WWOX: variants seen among roughly 807,000 people sequenced by gnomAD.
WWOX encodes WW domain containing oxidoreductase.
Under a neutral mutation model 46.2 loss-of-function variants are expected in WWOX, and 69 were observed. The ratio of observed to expected loss-of-function variants is 1.49; its 90% CI spans 1.23 to 1.82. WWOX has a LOEUF of 1.82. Ranked by LOEUF, WWOX falls within the 40% of genes most tolerant of loss-of-function variation. WWOX has a pLI of 0.00. For synonymous variants in WWOX, 359 were observed against 202.6 expected (o/e 1.77, Z -6.56); for missense variants, 919 against 542.6 (o/e 1.69, Z -6.89).
chr16:78,707,273 C>T (rs2048346355), intron 8 of WWOX, among the ~76,000 whole-genome samples: 1 of 152,150 alleles, frequency 6.6e-6, no homozygotes, highest in South Asian at 2.1e-4. Context: ...GCTATAGAAG[C>T]AGAAGTTAAC....
In WWOX at chr16:78,919,018, G is replaced by A. The variant is rs74618406; in HGVS notation, c.1057-292590G>A. ...GGAAATACAGTCGTGGTGTCAGGTA[G>A]TGTGTAACTTCGTTAAGTTCAGTCA... is the stretch of plus-strand genomic sequence containing the variant. On this transcript the variant is annotated intron_variant, in intron 8 of 8. Coordinates refer to ENST00000566780, the MANE Select transcript of WWOX (RefSeq NM_016373.4). 8.7e-3 allele frequency among the ~76,000 whole-genome samples: 1,331 copies of A among 152,230 alleles called. 18 individuals carry two copies. Among genetic ancestry groups the A allele is most frequent in the East Asian group, 0.062 (319 of 5,160 alleles).
chr16:78,344,854 C>T (rs1040449710), intron 5 of WWOX, among the ~76,000 whole-genome samples: 1 of 121,396 alleles, frequency 8.2e-6, no homozygotes, highest in African/African-American at 2.8e-5. Flanking sequence ...CCTAAGATGT[C>T]TGAAGAAGTT....
chr16:78,876,209 CTT>C (rs5818183), intron 8 of WWOX, among the ~76,000 whole-genome samples: 2 of 148,144 alleles, frequency 1.4e-5, no homozygotes, highest in African/African-American at 2.5e-5. Flanking sequence ...TTTTTCCTTT[CTT>C]TTTTTTTTTA....
intron 8 of WWOX, among the ~76,000 whole-genome samples, chr16:78,922,161 T>G (rs2045393966): frequency 6.6e-6 from 1 of 152,096 alleles, no homozygotes; most frequent in South Asian, 2.1e-4. Context: ...CCCACATATT[T>G]GATCTCAGCC....
At chr16:78,328,014 T>A (rs2080668686) in intron 5 of WWOX, among the ~76,000 whole-genome samples, 1 of 151,852 alleles carries the variant, frequency 6.6e-6, no homozygotes. Flanking sequence ...TAGCTTGGAT[T>A]ATGGGTTTGT....
chr16:79,084,990 A>G (rs868227163), intron 8 of WWOX, among the ~76,000 whole-genome samples: 2 of 151,986 alleles, frequency 1.3e-5, no homozygotes, highest in South Asian at 4.2e-4. Flanking sequence ...CAGTGGCACA[A>G]TTATAGCTCA....
chr16:78,678,071 C>G (rs2047646161), intron 8 of WWOX, among the ~76,000 whole-genome samples: 1 of 152,186 alleles, frequency 6.6e-6, no homozygotes, highest in Non-Finnish European at 1.5e-5. Flanking sequence ...TCTGTTTAAT[C>G]TGTCTACTTG....
At chr16:78,814,128 G>C (rs1324907892) in intron 8 of WWOX, among the ~76,000 whole-genome samples, 8 of 152,216 alleles carry the variant, frequency 5.3e-5, no homozygotes. Flanking sequence ...TGCAGGAGAA[G>C]ACAGAACCCG....
intron 8 of WWOX, among the ~76,000 whole-genome samples, chr16:78,842,994 G>A (rs1438777560): frequency 6.7e-6 from 1 of 150,230 alleles, no homozygotes; most frequent in Non-Finnish European, 1.5e-5. Flanking sequence ...ACTGGCAGGT[G>A]GAGAGGATGT....
At chr16:78,437,092 C>A (rs920884430) in intron 8 of WWOX, among the ~76,000 whole-genome samples, 8 of 152,198 alleles carry the variant, frequency 5.3e-5, no homozygotes, top group Non-Finnish European at 1.2e-4. Context: ...TGCTGGAGTA[C>A]ACATTCTGTT....
intron 8 of WWOX, among the ~76,000 whole-genome samples, chr16:78,712,902 T>G (rs76904108): frequency 2.6e-3 from 393 of 152,258 alleles, no homozygotes; most frequent in Non-Finnish European, 4.9e-3. Flanking sequence ...TTTTGGGGTA[T>G]GTTGAAAATT....
In WWOX at chr16:78,414,087, T is replaced by G. The variant is rs948609795; in HGVS notation, c.606-10783T>G. 2.6e-5 allele frequency among the ~76,000 whole-genome samples: 4 copies of G among 151,882 alleles called. No individual in the cohort carries two copies. The South Asian group carries it at 6.2e-4, about 24-fold the overall frequency. ...TCAGTTGACCTTGTGACATTCCTCT[T>G]CCTGAGGCAGTGAGTCTCAGGAGCT... On this transcript the variant is annotated intron_variant, in intron 6 of 8. Transcript: ENST00000566780.
chr16:78,605,847 T>G (rs1340743707), intron 8 of WWOX, among the ~76,000 whole-genome samples: 5 of 152,062 alleles, frequency 3.3e-5, no homozygotes, highest in African/African-American at 7.2e-5. Context: ...GTGTGTGTGT[T>G]GTTCTTTTTT....
rs141424217 is a variant in WWOX at position 78,344,120 on chromosome 16, G to T, written c.517-42740G>T. On this transcript the variant is annotated intron_variant, in intron 5 of 8. Coordinates refer to ENST00000566780, the MANE Select transcript of WWOX (RefSeq NM_016373.4). ...AGGTATATCATCCTAAGGGCAGAGGGTGAAGGTGCGTAATTAGTGTTTCAC... is the reference window on the plus strand; with the variant it reads ...AGGTATATCATCCTAAGGGCAGAGGTTGAAGGTGCGTAATTAGTGTTTCAC... Among the ~76,000 whole-genome samples the T allele has an allele frequency of 2.3e-4, 26 of 113,586 alleles. 2 individuals carry two copies. Among genetic ancestry groups the T allele is most frequent in the African/African-American group, 7.8e-4 (26 of 33,344 alleles). 74.5% of individuals were successfully genotyped at this position (113,586 alleles called of 152,430 possible).
At chr16:78,919,244 A>G (rs1318516895) in intron 8 of WWOX, among the ~76,000 whole-genome samples, 2 of 152,036 alleles carry the variant, frequency 1.3e-5, no homozygotes, top group Admixed American at 1.3e-4. Context: ...TCTTTCTGGC[A>G]GAGACACCCC....
At chr16:79,147,687 T>A (rs903629042) in intron 8 of WWOX, among the ~76,000 whole-genome samples, 5 of 152,198 alleles carry the variant, frequency 3.3e-5, no homozygotes, top group African/African-American at 1.2e-4. Context: ...TTCCATGCTA[T>A]TTTACATTTC....
chr16:78,987,909 C>A (rs541246981), intron 8 of WWOX, among the ~76,000 whole-genome samples: 4 of 152,080 alleles, frequency 2.6e-5, no homozygotes, highest in Non-Finnish European at 5.9e-5. Context: ...CCACAGGTCT[C>A]GTCATGTCCC....
intron 5 of WWOX, among the ~76,000 whole-genome samples, chr16:78,326,429 C>G (rs1035036098): frequency 6.6e-6 from 1 of 151,918 alleles, no homozygotes; most frequent in African/African-American, 2.4e-5. Flanking sequence ...CTGGGAGAAA[C>G]AAGGGGTTGA....
chr16:78,925,188 C>G lies in WWOX; in HGVS notation c.1057-286420C>G, dbSNP rs112653012. On this transcript the variant is annotated intron_variant, in intron 8 of 8. Transcript: ENST00000566780. ...CCAGACTGCATGAGAACGTAAAACC[C>G]TGACTTAAAACAAAAACAAAAAGAA... Among the ~76,000 whole-genome samples, 402 of 152,244 alleles carry G rather than the reference C, an allele frequency of 2.6e-3. 2 individuals carry two copies. The highest frequency in any genetic ancestry group is 4.9e-3 in the Non-Finnish European group (334 of 68,008).
Sources: allele counts gnomAD v4.1 joint callset (sites outside exome capture counted in the v4.1 genomes callset), GRCh38; gene constraint gnomAD v4.1.1; transcripts MANE v1.5; gene names NCBI Gene and HGNC (gene_info 2026-07-23, HGNC 2026-07-21).